The following GPSM2 variants were observed in gnomAD, a reference collection of about 807,000 sequenced individuals.
The protein encoded by GPSM2 is G protein signaling modulator 2, also known as G protein-signaling modulator 2.
A neutral mutation model predicts 78.4 loss-of-function variants in GPSM2; 58 were observed. The observed-to-expected ratio is 0.74, with a 90% CI of 0.60 to 0.92. GPSM2 has a LOEUF of 0.92. GPSM2 is among the 40% of genes least tolerant of loss of function. The pLI is 0.00. For synonymous variants in GPSM2, 224 were observed against 280.2 expected (o/e 0.80, Z 2.00); for missense variants, 700 against 815.5 (o/e 0.86, Z 1.73).
At chr1:108,922,749 C>T (rs150624941) in intron 13 of GPSM2, among the ~76,000 whole-genome samples, 173 bp downstream of exon 13, 89 of 152,266 alleles carry the variant, frequency 5.8e-4, no homozygotes, top group Middle Eastern at 6.8e-3. Context: ...AGTTCCCTTA[C>T]GTATATCTGT....
chr1:108,924,445 G>A, intron 14 of GPSM2: 3 of 577,140 alleles, frequency 5.2e-6, no homozygotes, highest in Non-Finnish European at 3.1e-6. Context: ...GTGTGTGTGT[G>A]TGTATATATA....
At chr1:108,915,571 C>T (rs1196627228) in intron 11 of GPSM2, among the ~76,000 whole-genome samples, 4 of 150,960 alleles carry the variant, frequency 2.6e-5, no homozygotes, top group Non-Finnish European at 4.4e-5. Context: ...GGACTGCAGG[C>T]GGGCACCACC....
In GPSM2 at chr1:108,931,174, CAAA is replaced by C; in HGVS notation, c.*1236_*1238del. The C allele has an allele frequency of 2.4e-6, 2 of 823,188 alleles. No homozygotes were observed. The highest frequency in any genetic ancestry group is 3.5e-6 in the Non-Finnish European group (2 of 572,216). The allele number at this position is 823,188 out of a possible 1,614,324, so 51.0% of individuals were successfully genotyped here. On this transcript the variant is annotated 3_prime_UTR_variant, in exon 15 of 15. Transcript: ENST00000264126. ...TAAGTTCTAATATAAAAACAAAAAA[CAAA>C]ACCCATGTGGTTAGGTCAAGAACCT...
chr1:108,923,935 C>T, intron 13 of GPSM2, 65 bp from the exon 14 acceptor site: 1 of 1,170,000 alleles, frequency 8.5e-7, no homozygotes, highest in Admixed American at 1.7e-5. Context: ...ATAAATGTGC[C>T]TAGGTTTTTT....
intron 2 of GPSM2, among the ~76,000 whole-genome samples, chr1:108,889,991 T>C (rs1291169761): frequency 6.6e-6 from 1 of 152,232 alleles, no homozygotes; most frequent in Non-Finnish European, 1.5e-5. Context: ...CTATGCCCTA[T>C]GTTGAACTCC....
chr1:108,931,296 T>C lies in GPSM2; in HGVS notation c.*1356T>C. 6.5e-7 allele frequency: 1 copy of C among 1,531,422 alleles called. No homozygotes were observed. Among genetic ancestry groups the C allele is most frequent in the Admixed American group, 2.1e-5 (1 of 47,492 alleles). The allele number at this position is 1,531,422 out of a possible 1,614,324, so 94.9% of individuals were successfully genotyped here. On this transcript the variant is annotated 3_prime_UTR_variant, in exon 15 of 15. Coordinates refer to ENST00000264126, the MANE Select transcript of GPSM2 (RefSeq NM_013296.5). ...TAGAACCTTAGTTGTCATTAAGCTT[T>C]GTCTTCCTTATCCCAGATATTGAAG...
chr1:108,898,859 A>C lies in GPSM2; in HGVS notation c.682-20A>C. The C allele has an allele frequency of 1.3e-6, 2 of 1,598,654 alleles. No homozygotes were observed. On this transcript the variant is annotated intron_variant, in intron 6 of 14. Transcript: ENST00000264126. ...TTCAGTTTTATTTTATCTACATCTA[A>C]TTAAAATTGTTTGTTTCAGCGTCTC...
At chr1:108,899,445 C>T (rs1557863542) in intron 7 of GPSM2, among the ~76,000 whole-genome samples, 1 of 152,146 alleles carries the variant, frequency 6.6e-6, no homozygotes, top group African/African-American at 2.4e-5. Context: ...TACCAGTGAT[C>T]ACTGAATTTT....
intron 2 of GPSM2, 94 bp downstream of exon 2, chr1:108,885,672 T>C: frequency 2.5e-6 from 2 of 801,894 alleles, no homozygotes; most frequent in Non-Finnish European, 4.5e-6. Context: ...TTGAAAATAC[T>C]CAAATATACC....
chr1:108,923,957 TTTTG>T, intron 13 of GPSM2, 39 bp from the exon 14 acceptor site: 1 of 1,427,912 alleles, frequency 7.0e-7, no homozygotes, highest in Non-Finnish European at 9.9e-7. Flanking sequence ...GTTTTTTGTT[TTTTG>T]TTTTTTTTTA....
chr1:108,910,857 C>T (rs1355271219), intron 10 of GPSM2, among the ~76,000 whole-genome samples: 8 of 145,308 alleles, frequency 5.5e-5, no homozygotes, highest in Admixed American at 1.4e-4. Flanking sequence ...AGAGAGACTC[C>T]GTCTCAAAAA....
chr1:108,890,880 T>TAA (rs142409735), intron 2 of GPSM2, among the ~76,000 whole-genome samples: 1 of 151,630 alleles, frequency 6.6e-6, no homozygotes, highest in Admixed American at 6.6e-5. Flanking sequence ...CAATTTAAGT[T>TAA]AAAAAAAAAT....
rs181909469 is a variant in GPSM2 at position 108,930,991 on chromosome 1, G to A, written c.*1051G>A. ...CACTTGAGCCCAGGAGGTGGAGGCT[G>A]CACTGAGCTATGATCGTGCCACTGC... is the stretch of plus-strand genomic sequence containing the variant. On this transcript the variant is annotated 3_prime_UTR_variant, in exon 15 of 15. Coordinates refer to ENST00000264126, the MANE Select transcript of GPSM2 (RefSeq NM_013296.5). 336 of 179,006 alleles carry A rather than the reference G, an allele frequency of 1.9e-3. 1 individual carries two copies. Among genetic ancestry groups the A allele is most frequent in the African/African-American group, 7.4e-3 (310 of 41,840 alleles). 11.1% of individuals were successfully genotyped at this position (179,006 alleles called of 1,614,324 possible). A position where few individuals can be genotyped will look rare whatever the true frequency, so the allele number is the denominator to read the frequency against.
chr1:108,922,667 A>G, intron 13 of GPSM2, 91 bp downstream of exon 13: 3 of 1,060,846 alleles, frequency 2.8e-6, no homozygotes, highest in Non-Finnish European at 2.9e-6. Flanking sequence ...ATCATAAGAG[A>G]TATAATAAAT....
chr1:108,881,111 C>T (rs2101298724), intron 1 of GPSM2, among the ~76,000 whole-genome samples: 1 of 152,288 alleles, frequency 6.6e-6, no homozygotes, highest in Non-Finnish European at 1.5e-5. Flanking sequence ...AAATGTGAGG[C>T]AGTTAGAGTT....
At chr1:108,923,939 GT>G (rs869219447) in intron 13 of GPSM2, 60 bp from the exon 14 acceptor site, 4 of 1,228,542 alleles carry the variant, frequency 3.3e-6, no homozygotes, top group African/African-American at 1.5e-5. Flanking sequence ...ATGTGCCTAG[GT>G]TTTTTTGTTT....
Position 108,901,944 on chromosome 1 carries a change from A to T in GPSM2, c.952A>T (p.Arg318Ter). ...HLAIAQELND[R>*]IGEGRACWSL... ...AGCAATTGCTCAAGAGCTGAATGAT[A>T]GGTATGTTTTACGTCTTTTTACCAT... is the stretch of plus-strand genomic sequence containing the variant. Residue 318 changes from arginine (R) to a stop codon, truncating the protein, a stop_gained and splice_region_variant, in exon 8 of 15, where the codon AGA becomes TGA. Coordinates refer to ENST00000264126, the MANE Select transcript of GPSM2 (RefSeq NM_013296.5). LOFTEE classifies it high-confidence loss of function. 6.2e-7 allele frequency: 1 copy of T among 1,604,076 alleles called. No homozygotes were observed. The highest frequency in any genetic ancestry group is 1.3e-5 in the African/African-American group (1 of 74,878).
At chr1:108,887,408 G>A (rs571247255) in intron 2 of GPSM2, among the ~76,000 whole-genome samples, 56 of 152,248 alleles carry the variant, frequency 3.7e-4, no homozygotes, top group African/African-American at 1.3e-3. Flanking sequence ...CTGGGACTCC[G>A]AGGCGCTAAC....
intron 11 of GPSM2, among the ~76,000 whole-genome samples, chr1:108,918,150 T>C (rs1650421570): frequency 6.6e-6 from 1 of 152,186 alleles, no homozygotes; most frequent in Admixed American, 6.5e-5. Context: ...GTTTCGCCTA[T>C]TGAGAATTTA....
Sources: gnomAD v4.1 joint callset for allele counts (sites outside exome capture counted in the v4.1 genomes callset) on GRCh38, gnomAD v4.1.1 for gene constraint, MANE v1.5 for transcripts, NCBI Gene and HGNC (gene_info 2026-07-23, HGNC 2026-07-21) for gene names.